MDGA2: variants seen among roughly 807,000 people sequenced by gnomAD.
MDGA2 encodes the protein MAM domain containing glycosylphosphatidylinositol anchor 2, also known as MAM domain-containing glycosylphosphatidylinositol anchor protein 2.
MDGA2 carries 40 observed loss-of-function variants against 117.8 expected under a neutral mutation model. That is an observed-to-expected ratio of 0.34 (90% CI 0.26 to 0.44). The LOEUF (loss-of-function observed/expected upper bound fraction) is 0.44. Among genes scored for constraint, MDGA2 ranks in the 20% least tolerant of loss-of-function variants. The probability of loss-of-function intolerance (pLI) is 1.00; values close to 1 mark genes in which losing one functional copy is unlikely to be tolerated. For synonymous variants in MDGA2, 452 were observed against 439.0 expected (o/e 1.03, Z -0.37); for missense variants, 1,123 against 1,250.6 (o/e 0.90, Z 1.54).
intron 10 of MDGA2, among the ~76,000 whole-genome samples, chr14:46,903,512 C>A (rs1457404347): frequency 6.6e-6 from 1 of 152,108 alleles, no homozygotes; most frequent in African/African-American, 2.4e-5. Flanking sequence ...AATGTCTAAT[C>A]CTATACTTGA....
chr14:46,872,433 G>A (rs1285906634), intron 14 of MDGA2, among the ~76,000 whole-genome samples: 1 of 151,776 alleles, frequency 6.6e-6, no homozygotes, highest in Admixed American at 6.6e-5. Context: ...TTGTATTGAT[G>A]CAGTGACTCA....
At chr14:47,127,399 T>A (rs940424215) in intron 5 of MDGA2, among the ~76,000 whole-genome samples, 4 of 152,170 alleles carry the variant, frequency 2.6e-5, no homozygotes, top group Non-Finnish European at 5.9e-5. Context: ...GAAAGCTACC[T>A]CATTTATTTC....
intron 3 of MDGA2, among the ~76,000 whole-genome samples, chr14:47,164,929 T>C (rs1355708616): frequency 6.6e-6 from 1 of 152,122 alleles, no homozygotes; most frequent in Non-Finnish European, 1.5e-5. Flanking sequence ...CCATAAAAAA[T>C]GATGAGTTCC....
chr14:47,257,513 T>C (rs1887662348), intron 2 of MDGA2, among the ~76,000 whole-genome samples: 2 of 152,178 alleles, frequency 1.3e-5, no homozygotes, highest in Non-Finnish European at 2.9e-5. Context: ...ATGTTTATTG[T>C]CTGCATCCCC....
At chr14:47,465,933 C>T (rs905914113) in intron 1 of MDGA2, among the ~76,000 whole-genome samples, 2 of 152,000 alleles carry the variant, frequency 1.3e-5, no homozygotes, top group East Asian at 3.9e-4. Context: ...AACTTGAATG[C>T]TCATCAATGA....
intron 3 of MDGA2, among the ~76,000 whole-genome samples, chr14:47,156,133 A>G (rs1344590988): frequency 1.3e-5 from 2 of 150,934 alleles, no homozygotes; most frequent in African/African-American, 4.9e-5. Context: ...GGTCACAAAC[A>G]CCTAACCTCA....
chr14:47,168,870 C>T (rs1884001405), intron 3 of MDGA2, among the ~76,000 whole-genome samples: 1 of 151,996 alleles, frequency 6.6e-6, no homozygotes, highest in South Asian at 2.1e-4. Flanking sequence ...TGACTGGGAA[C>T]TAAATCACCT....
At chr14:47,337,187 T>G (rs1890485183) in intron 1 of MDGA2, among the ~76,000 whole-genome samples, 1 of 152,108 alleles carries the variant, frequency 6.6e-6, no homozygotes, top group African/African-American at 2.4e-5. Context: ...TTTACTCAGT[T>G]TCTCATAGAA....
intron 5 of MDGA2, among the ~76,000 whole-genome samples, chr14:47,120,555 T>G (rs1173382075): frequency 6.6e-6 from 1 of 152,106 alleles, no homozygotes; most frequent in Non-Finnish European, 1.5e-5. Context: ...GAAGAGTATG[T>G]TGTTATCAAG....
intron 9 of MDGA2, among the ~76,000 whole-genome samples, chr14:46,949,262 T>C (rs1382047505): frequency 6.6e-6 from 1 of 152,028 alleles, no homozygotes; most frequent in Non-Finnish European, 1.5e-5. Flanking sequence ...AACACAGTCA[T>C]ACCCACAGTA....
At chr14:47,562,205 T>C (rs1895830156) in intron 1 of MDGA2, among the ~76,000 whole-genome samples, 1 of 152,180 alleles carries the variant, frequency 6.6e-6, no homozygotes, top group Non-Finnish European at 1.5e-5. Context: ...TGTTGTTGTG[T>C]CTGCCAGGTT....
In MDGA2 at chr14:47,040,442, T is replaced by G. The variant is rs186432288; in HGVS notation, c.1526-5138A>C. Among the ~76,000 whole-genome samples, 29 of 152,310 alleles carry G rather than the reference T, an allele frequency of 1.9e-4. No homozygotes were observed. In the East Asian group the frequency reaches 5.0e-3, roughly 26 times the overall value. ...AAATTTTTAAAATGTTAATTCAATC[T>G]ATTTCCCAAAACTCATTCAATGAAA... On this transcript the variant is annotated intron_variant, in intron 7 of 16. Coordinates refer to ENST00000399232, the MANE Select transcript of MDGA2 (RefSeq NM_001113498.3).
rs1361512401 is a variant in MDGA2, at chr14:46,866,695, G to GA, written c.2752+6737dup. On this transcript the variant is annotated intron_variant, in intron 14 of 16. Coordinates refer to ENST00000399232, the MANE Select transcript of MDGA2 (RefSeq NM_001113498.3). ...ACAATGAACTCAAACAAATTTACAA[G>GA]AAAAAAAAAAACAACCCCATCAGAA... 9.2e-4 allele frequency among the ~76,000 whole-genome samples: 129 copies of GA among 140,258 alleles called. 2 individuals carry two copies. The South Asian group carries it at 0.011, about 12-fold the overall frequency. The allele number at this position is 140,258 out of a possible 152,430, so 92.0% of individuals were successfully genotyped here. A position where few individuals can be genotyped will look rare whatever the true frequency, so the allele number is the denominator to read the frequency against.
intron 8 of MDGA2, among the ~76,000 whole-genome samples, chr14:46,978,995 A>G (rs1353266849): frequency 1.3e-5 from 2 of 152,090 alleles, no homozygotes; most frequent in Non-Finnish European, 2.9e-5. Context: ...CAGACAATGA[A>G]TTTTTTACAA....
At chr14:47,459,388 T>A (rs534338805) in intron 1 of MDGA2, among the ~76,000 whole-genome samples, 252 of 150,156 alleles carry the variant, frequency 1.7e-3, no homozygotes, top group African/African-American at 5.7e-3. Context: ...ATATTGTGGT[T>A]AGTGTTTAAC....
At chr14:47,061,958 A>T (rs1889898934) in intron 6 of MDGA2, among the ~76,000 whole-genome samples, 1 of 152,006 alleles carries the variant, frequency 6.6e-6, no homozygotes, top group African/African-American at 2.4e-5. Flanking sequence ...ATCTCATTTA[A>T]CCTAATACTT....
At chr14:46,875,234 T>C (rs761403480) in intron 12 of MDGA2, among the ~76,000 whole-genome samples, 1 of 151,770 alleles carries the variant, frequency 6.6e-6, no homozygotes, top group Non-Finnish European at 1.5e-5. Flanking sequence ...CTCTCCGACC[T>C]ACCCATAAGG....
intron 1 of MDGA2, among the ~76,000 whole-genome samples, chr14:47,378,700 A>G (rs113238655): frequency 7.4e-4 from 112 of 152,350 alleles, no homozygotes; most frequent in African/African-American, 2.6e-3. Flanking sequence ...AAAGCCTCCA[A>G]GAAATATGGG....
rs1210822960 is a variant in MDGA2 at position 47,539,976 on chromosome 14, C to CT, written c.280+134540dup. Among the ~76,000 whole-genome samples, 2 of 152,160 alleles carry CT rather than the reference C, an allele frequency of 1.3e-5. 1 individual carries two copies. The highest frequency in any genetic ancestry group is 4.8e-5 in the African/African-American group (2 of 41,446). On this transcript the variant is annotated intron_variant, in intron 1 of 16. Transcript: ENST00000399232. ...TTGGTTTTGCCCTCTGCTCAGAACT[C>CT]TTTTCCTTAAAAGAGCCACAGGGAT... is the stretch of plus-strand genomic sequence containing the variant.
Sources: gnomAD v4.1 joint callset for allele counts (sites outside exome capture counted in the v4.1 genomes callset) on GRCh38, gnomAD v4.1.1 for gene constraint, MANE v1.5 for transcripts, NCBI Gene and HGNC (gene_info 2026-07-23, HGNC 2026-07-21) for gene names.